Variants in AFF2 observed in about 807,000 individuals in gnomAD.
The protein encoded by AFF2 is AF4/FMR2 family member 2.
A neutral mutation model predicts 76.9 loss-of-function variants in AFF2; 14 were observed. The observed-to-expected ratio is 0.18, with a 90% CI of 0.12 to 0.28. AFF2 has a LOEUF of 0.28. AFF2 is among the 10% of genes least tolerant of loss of function. The pLI is 1.00. For missense variants in AFF2, 868 were observed against 1,001.1 expected, an observed-to-expected ratio of 0.87 and a Z score of 1.79; for synonymous variants, 398 against 366.7, an observed-to-expected ratio of 1.09 and a Z score of -0.98.
intron 1 of AFF2, among the ~76,000 whole-genome samples, chrX:148,581,411 C>T (rs1603249278): frequency 6.2e-5 from 3 of 48,541 alleles, no homozygotes; most frequent in Non-Finnish European, 1.2e-4. Flanking sequence ...CGTGTACACA[C>T]ATATACGTAT....
At chrX:148,756,852 A>G (rs782486032) in intron 3 of AFF2, among the ~76,000 whole-genome samples, 1 of 112,379 alleles carries the variant, frequency 8.9e-6, no homozygotes, top group Non-Finnish European at 1.9e-5. Flanking sequence ...TAGTAAGTGA[A>G]TAAAAGTAGA....
chrX:148,852,189 G>A (rs375534470), intron 7 of AFF2, among the ~76,000 whole-genome samples: 7 of 110,889 alleles, frequency 6.3e-5, no homozygotes, highest in Non-Finnish European at 9.4e-5. Context: ...ATGAACATAC[G>A]TGTGCGTGTG....
chrX:148,798,843 G>T (rs545001212), intron 3 of AFF2, among the ~76,000 whole-genome samples: 1 of 111,869 alleles, frequency 8.9e-6, no homozygotes, highest in Non-Finnish European at 1.9e-5. Context: ...ATGGGCTTGA[G>T]ATGCTCCACA....
At chrX:148,510,348 A>G (rs1360454221) in intron 1 of AFF2, among the ~76,000 whole-genome samples, 1 of 111,933 alleles carries the variant, frequency 8.9e-6, no homozygotes, top group East Asian at 2.8e-4. Context: ...ACAGAGCAGG[A>G]AACTGGGACA....
intron 3 of AFF2, among the ~76,000 whole-genome samples, chrX:148,749,250 T>C (rs1191175889): frequency 1.9e-5 from 2 of 107,989 alleles, no homozygotes; most frequent in African/African-American, 7.2e-5. Context: ...AAATTTACGT[T>C]GCCTTCCTAA....
At chrX:148,843,044 T>A in intron 6 of AFF2, 42 bp downstream of exon 6, 1 of 1,070,775 alleles carries the variant, frequency 9.3e-7, no homozygotes. Flanking sequence ...AACATCCATG[T>A]CCTCTGCTCC....
At chrX:148,644,205 C>G (rs782177164) in intron 1 of AFF2, among the ~76,000 whole-genome samples, 1 of 111,943 alleles carries the variant, frequency 8.9e-6, no homozygotes, top group African/African-American at 3.2e-5. Flanking sequence ...CCTTCTGGAT[C>G]AATTGCACTG....
In AFF2 at chrX:148,942,817, GA is replaced by G. The variant is rs574314521; in HGVS notation, c.1398-10747del. 5.4e-3 allele frequency among the ~76,000 whole-genome samples: 471 copies of G among 86,548 alleles called. 3 individuals carry two copies. Among genetic ancestry groups the G allele is most frequent in the African/African-American group, 0.015 (338 of 22,928 alleles). The allele number at this position is 86,548 out of a possible 115,157, so 75.2% of individuals were successfully genotyped here. A position where few individuals can be genotyped will look rare whatever the true frequency, so the allele number is the denominator to read the frequency against. On this transcript the variant is annotated intron_variant, in intron 9 of 20. Transcript: ENST00000370460. The stretch of plus-strand genomic sequence containing the variant: ...GGCGATAGTGTGAGACTCCATCTCA[GA>G]AAAAAAAAAAAAAAATAGAAAAGAA...
chrX:148,566,141 C>T (rs782286806), intron 1 of AFF2, among the ~76,000 whole-genome samples: 2 of 111,165 alleles, frequency 1.8e-5, no homozygotes, highest in South Asian at 3.8e-4. Context: ...GTATCATTAT[C>T]GTATGGTGCA....
chrX:148,524,772 A>G (rs2052640406), intron 1 of AFF2, among the ~76,000 whole-genome samples: 1 of 112,239 alleles, frequency 8.9e-6, no homozygotes, highest in African/African-American at 3.2e-5. Context: ...TCCAGAGAGC[A>G]GGCAGTAGGC....
chrX:148,910,357 C>A (rs781905054), intron 9 of AFF2, among the ~76,000 whole-genome samples: 4 of 112,429 alleles, frequency 3.6e-5, no homozygotes, highest in Non-Finnish European at 7.5e-5. Flanking sequence ...ATTCTGGGAA[C>A]TGTGATAGGT....
chrX:148,666,387 C>T (rs1557258457), intron 3 of AFF2, among the ~76,000 whole-genome samples: 1 of 110,516 alleles, frequency 9.0e-6, no homozygotes, highest in African/African-American at 3.3e-5. Context: ...GAGATCTAGA[C>T]CATCCTGGCC....
At position 148,830,261 on chromosome X, in the gene AFF2, C is replaced by T. The variant is rs1228657193; in HGVS notation, c.1087-7386C>T. Among the ~76,000 whole-genome samples the T allele has an allele frequency of 2.7e-5, 3 of 112,280 alleles. No individual in the cohort carries two copies. The Admixed American group carries it at 2.8e-4, about 11-fold the overall frequency. On this transcript the variant is annotated intron_variant, in intron 4 of 20. Coordinates refer to ENST00000370460, the MANE Select transcript of AFF2 (RefSeq NM_002025.4). ...AGGGCCCCTGTCCTTCCGAAGCCTGCCTGAGGGGGCCTAGTAGGAGAAACA... is the reference window on the plus strand; with the variant it reads ...AGGGCCCCTGTCCTTCCGAAGCCTGTCTGAGGGGGCCTAGTAGGAGAAACA...
At chrX:148,838,069 C>T (rs782459820) in intron 5 of AFF2, among the ~76,000 whole-genome samples, 1 of 111,890 alleles carries the variant, frequency 8.9e-6, no homozygotes, top group South Asian at 3.8e-4. Context: ...TTTAAAGTTA[C>T]AAAACCTGTA....
intron 1 of AFF2, among the ~76,000 whole-genome samples, chrX:148,539,263 G>T (rs1279698809): frequency 1.8e-5 from 2 of 111,038 alleles, no homozygotes; most frequent in Admixed American, 1.9e-4. Flanking sequence ...CTGAAGGTAG[G>T]AATTACCCTC....
intron 1 of AFF2, among the ~76,000 whole-genome samples, chrX:148,581,407 C>CACACATATACGTATACGTCTACGTGT (rs1557244868): frequency 1.6e-5 from 1 of 60,784 alleles, no homozygotes; most frequent in Non-Finnish European, 3.2e-5. Flanking sequence ...TATACGTGTA[C>CACACATATACGTATACGTCTACGTGT]ACACATATAC....
At chrX:148,714,634 A>G (rs1420953221) in intron 3 of AFF2, among the ~76,000 whole-genome samples, 4 of 111,196 alleles carry the variant, frequency 3.6e-5, no homozygotes, top group Non-Finnish European at 7.5e-5. Flanking sequence ...ACAAGTATAT[A>G]CCATGGCTAC....
At chrX:148,926,572 G>A (rs782547686) in intron 9 of AFF2, among the ~76,000 whole-genome samples, 7 of 111,716 alleles carry the variant, frequency 6.3e-5, no homozygotes, top group South Asian at 7.6e-4. Flanking sequence ...GGAAGTAGCC[G>A]TGAATTCCAT....
At chrX:148,804,490 CAT>C (rs1262308038) in intron 3 of AFF2, among the ~76,000 whole-genome samples, 2 of 112,644 alleles carry the variant, frequency 1.8e-5, no homozygotes, top group African/African-American at 3.2e-5. Context: ...CTTAAAAAGA[CAT>C]GTGTTAAATT....
Sources: gnomAD v4.1 joint callset for allele counts (sites outside exome capture counted in the v4.1 genomes callset) on GRCh38, gnomAD v4.1.1 for gene constraint, MANE v1.5 for transcripts, NCBI Gene and HGNC (gene_info 2026-07-23, HGNC 2026-07-21) for gene names.